Variants in C3orf49 observed in about 807,000 individuals in gnomAD.
C3orf49 encodes the protein putative uncharacterized protein C3orf49.
In C3orf49, 27 loss-of-function variants were observed where a neutral mutation model predicts 13.3. The ratio of observed to expected loss-of-function variants is 2.02; its 90% CI spans 1.49 to 2.79. The LOEUF (loss-of-function observed/expected upper bound fraction) is 2.79. Ranked by LOEUF, C3orf49 falls within the 30% of genes most tolerant of loss-of-function variation. The probability of loss-of-function intolerance (pLI) is 0.00; values close to 1 mark genes in which losing one functional copy is unlikely to be tolerated. For missense variants in C3orf49, 242 were observed against 134.2 expected (o/e 1.80, Z -3.97); for synonymous variants, 87 against 47.6 (o/e 1.83, Z -3.40).
chr3:63,835,056 G>A (rs1405875525), intron 5 of C3orf49: 5 of 1,181,240 alleles, frequency 4.2e-6, no homozygotes, highest in Non-Finnish European at 6.0e-6. Context: ...AGAAATTGAA[G>A]GTATACTGTC....
the C3orf49 span, among the ~76,000 whole-genome samples, chr3:63,794,040 T>C: frequency 6.6e-6 from 1 of 152,024 alleles, no homozygotes; most frequent in Non-Finnish European, 1.5e-5. Flanking sequence ...CTGTAGTCCC[T>C]GCTACTTAGG....
chr3:63,835,114 A>T (rs768459330), intron 5 of C3orf49: 11 of 1,598,476 alleles, frequency 6.9e-6, no homozygotes, highest in Non-Finnish European at 7.7e-6. Context: ...TCATTTAAAA[A>T]ATCTTCATAA....
the C3orf49 span, among the ~76,000 whole-genome samples, chr3:63,800,790 G>A: frequency 7.2e-5 from 11 of 152,170 alleles, no homozygotes; most frequent in African/African-American, 2.4e-4. Flanking sequence ...TTGCAAATTT[G>A]CCAGTGGAAT....
chr3:63,833,975 C>A (rs958651230), intron 5 of C3orf49: 5 of 660,738 alleles, frequency 7.6e-6, no homozygotes, highest in Admixed American at 7.0e-5. Flanking sequence ...AGTCATTTTC[C>A]TTTGTGAGAG....
At chr3:63,823,156 T>C in intron 1 of C3orf49, 94 bp from the exon 2 acceptor site, 1 of 588,776 alleles carries the variant, frequency 1.7e-6, no homozygotes, top group Non-Finnish European at 3.0e-6. Context: ...AATTGTATAA[T>C]TGGTTCACAT....
chr3:63,839,618 AG>A, intron 5 of C3orf49: 1 of 1,558,484 alleles, frequency 6.4e-7, no homozygotes, highest in Non-Finnish European at 8.8e-7. Context: ...AAATCACATT[AG>A]GACACTGGTA....
chr3:63,787,261 A>G, the C3orf49 span: 1 of 152,210 alleles, frequency 6.6e-6, no homozygotes. Context: ...AGGCAAATCC[A>G]TTACATATTT....
the C3orf49 span, among the ~76,000 whole-genome samples, chr3:63,795,169 A>G: frequency 6.6e-5 from 10 of 152,208 alleles, no homozygotes; most frequent in South Asian, 1.9e-3. Flanking sequence ...AGATGTTTGC[A>G]TAGGAATGTG....
chr3:63,841,625 A>T (rs928006186), intron 5 of C3orf49, among the ~76,000 whole-genome samples: 1 of 152,216 alleles, frequency 6.6e-6, no homozygotes, highest in Non-Finnish European at 1.5e-5. Context: ...TCTCAGAGTC[A>T]TGGCTTTGAC....
the C3orf49 span, among the ~76,000 whole-genome samples, chr3:63,811,277 G>A: frequency 4.7e-5 from 7 of 147,388 alleles, no homozygotes; most frequent in East Asian, 1.1e-3. Context: ...AGCCAGGCAC[G>A]GCCAGGCGAG....
chr3:63,808,723 T>C, the C3orf49 span, among the ~76,000 whole-genome samples: 1 of 152,152 alleles, frequency 6.6e-6, no homozygotes, highest in Admixed American at 6.5e-5. Flanking sequence ...GGTCCCTAGG[T>C]ATTAGGTATA....
intron 2 of C3orf49, 136 bp from the exon 3 acceptor site, chr3:63,827,465 T>C (rs1239691835): frequency 3.6e-6 from 2 of 561,978 alleles, no homozygotes; most frequent in African/African-American, 3.7e-5. Flanking sequence ...ATCAATTTTT[T>C]ATTCTTAACT....
the C3orf49 span, among the ~76,000 whole-genome samples, chr3:63,802,402 A>G: frequency 6.6e-6 from 1 of 152,236 alleles, no homozygotes; most frequent in East Asian, 1.9e-4. Context: ...CAAACCCCAA[A>G]TAGAACAGTA....
chr3:63,786,026 C>G, the C3orf49 span: 1 of 152,050 alleles, frequency 6.6e-6, no homozygotes, highest in South Asian at 2.1e-4. Context: ...GAAATTGTTC[C>G]GATGCTGTCA....
At chr3:63,839,721 A>G in intron 5 of C3orf49, 2 of 1,613,124 alleles carry the variant, frequency 1.2e-6, no homozygotes, top group Non-Finnish European at 1.7e-6. Context: ...TAATTCTCCG[A>G]TCATCTCCAG....
At chr3:63,785,474 T>C in the C3orf49 span, among the ~76,000 whole-genome samples, 3 of 152,170 alleles carry the variant, frequency 2.0e-5, no homozygotes, top group South Asian at 2.1e-4. Context: ...AGCAATTTGA[T>C]TGGAAAGGTT....
chr3:63,779,728 C>T, the C3orf49 span: 1 of 152,224 alleles, frequency 6.6e-6, no homozygotes, highest in Admixed American at 6.5e-5. Flanking sequence ...ATATGTAACC[C>T]CAAGAAACTC....
intron 5 of C3orf49, among the ~76,000 whole-genome samples, chr3:63,837,126 A>C (rs1206610872): frequency 6.6e-6 from 1 of 151,974 alleles, no homozygotes; most frequent in East Asian, 1.9e-4. Flanking sequence ...ATTGTTTTAG[A>C]ACTGAGCATA....
Position 63,823,462 on chromosome 3 carries a change from A to G in C3orf49, c.338A>G (p.His113Arg). The G allele has an allele frequency of 1.4e-6, 1 of 703,248 alleles. No homozygotes were observed. Among genetic ancestry groups the G allele is most frequent in the Non-Finnish European group, 2.6e-6 (1 of 385,074 alleles). 43.6% of individuals were successfully genotyped at this position (703,248 alleles called of 1,614,324 possible). The change falls in exon 2 of 7, where the codon CAT becomes CGT. Residue 113 changes from histidine to arginine, a missense_variant. Coordinates refer to ENST00000295896, the MANE Select transcript of C3orf49 (RefSeq NM_001355236.2). ...ACASQEGSTD[H>R]KEALLSNTQS... is the part of the protein sequence containing the mutation. Reference sequence around the variant, plus strand: ...GCCAGCCAAGAGGGCTCCACTGACCATAAAGAAGCCCTCCTGTCAAACACG... The same window carrying G: ...GCCAGCCAAGAGGGCTCCACTGACCGTAAAGAAGCCCTCCTGTCAAACACG...
Sources: gnomAD v4.1 joint callset for allele counts (sites outside exome capture counted in the v4.1 genomes callset) on GRCh38, gnomAD v4.1.1 for gene constraint, MANE v1.5 for transcripts, NCBI Gene and HGNC (gene_info 2026-07-23, HGNC 2026-07-21) for gene names.